FDX1: variants seen among roughly 807,000 people sequenced by gnomAD.
The protein encoded by FDX1 is ferredoxin 1.
In FDX1, 9 loss-of-function variants were observed where a neutral mutation model predicts 14.9. That is an observed-to-expected ratio of 0.60 (90% CI 0.36 to 1.05). FDX1 has a LOEUF of 1.05. Ranked by LOEUF, FDX1 falls within the 50% of genes least tolerant of loss-of-function variation. The pLI, the probability that FDX1 is intolerant of heterozygous loss-of-function variation, is 0.01. For synonymous variants in FDX1, 92 were observed against 99.4 expected (o/e 0.93, Z 0.44); for missense variants, 204 against 237.2 (o/e 0.86, Z 0.92).
chr11:110,441,312 C>T (rs1463790083), intron 2 of FDX1, among the ~76,000 whole-genome samples: 7 of 152,160 alleles, frequency 4.6e-5, no homozygotes, highest in Admixed American at 4.6e-4. Context: ...ACTTTGGAAC[C>T]AGGTAACAGG....
intron 1 of FDX1, among the ~76,000 whole-genome samples, chr11:110,435,247 T>G (rs1040441915): frequency 6.6e-6 from 1 of 151,696 alleles, no homozygotes; most frequent in African/African-American, 2.4e-5. Context: ...GATGGGATCT[T>G]GCCATGTTGC....
At chr11:110,430,352 G>A (rs1946321891) in intron 1 of FDX1, 47 bp downstream of exon 1, 1 of 1,143,852 alleles carries the variant, frequency 8.7e-7, no homozygotes, top group Non-Finnish European at 1.1e-6. Context: ...CGGGGTCCCC[G>A]GTGGGTGGCG....
chr11:110,429,490 G>A (rs1325237162), upstream of FDX1, among the ~76,000 whole-genome samples: 1 of 152,122 alleles, frequency 6.6e-6, no homozygotes, highest in African/African-American at 2.4e-5. Flanking sequence ...GTCTAGGATG[G>A]CTACCTGTCC....
chr11:110,456,306 G>A (rs867895225), intron 2 of FDX1, among the ~76,000 whole-genome samples: 2 of 152,056 alleles, frequency 1.3e-5, no homozygotes, highest in Non-Finnish European at 2.9e-5. Flanking sequence ...ATGTATGCAT[G>A]TCTCAGCTTA....
intron 2 of FDX1, among the ~76,000 whole-genome samples, chr11:110,452,996 GTA>G (rs1220501444): frequency 6.6e-6 from 1 of 152,216 alleles, no homozygotes; most frequent in Admixed American, 6.5e-5. Context: ...AAGCTGCTCT[GTA>G]CCCTCAGTGT....
chr11:110,456,987 T>C lies in FDX1; in HGVS notation c.380T>C (p.Leu127Ser), dbSNP rs752700505. 6.2e-6 allele frequency: 10 copies of C among 1,613,810 alleles called. No homozygotes were observed. The South Asian group carries it at 9.9e-5, about 16-fold the overall frequency. Residue 127 changes from leucine (L) to serine (S), a missense_variant, in exon 3 of 4, where the codon TTA (leucine) becomes TCA (serine). By Grantham distance (145) the Leu-to-Ser change is moderately radical. Transcript: ENST00000260270. ...LIFEDHIYEK[L>S]DAITDEENDM... The stretch of plus-strand genomic sequence containing the variant: ...TTTGAAGATCACATATATGAGAAGT[T>C]AGATGCAATCACTGATGAGGAGAAT...
chr11:110,444,129 C>T (rs548206306), intron 2 of FDX1, among the ~76,000 whole-genome samples: 22 of 152,050 alleles, frequency 1.4e-4, no homozygotes, highest in Non-Finnish European at 2.6e-4. Flanking sequence ...GCCAAAAATC[C>T]TTTGCCAATC....
intron 2 of FDX1, among the ~76,000 whole-genome samples, chr11:110,453,823 C>A (rs1449140840): frequency 2.6e-5 from 4 of 152,100 alleles, no homozygotes; most frequent in Admixed American, 1.3e-4. Context: ...TGGTACAGAT[C>A]GTTTCTGTAG....
In FDX1 at chr11:110,444,748, GTATATATATA is replaced by G. The variant is rs538386755; in HGVS notation, c.310+8800_310+8809del. Reference sequence around the variant, plus strand: ...CGTATATATATATATATATATACACGTATATATATATATATATATTTGCAGAACAACCTCT... The same window carrying G: ...CGTATATATATATATATATATACACGTATATATATTTGCAGAACAACCTCT... On this transcript the variant is annotated intron_variant, in intron 2 of 3. Coordinates refer to ENST00000260270, the MANE Select transcript of FDX1 (RefSeq NM_004109.5). Among the ~76,000 whole-genome samples, 4 of 29,838 alleles carry G rather than the reference GTATATATATA, an allele frequency of 1.3e-4. No homozygotes were observed. The Admixed American group carries it at 1.8e-3, about 14-fold the overall frequency. The allele number at this position is 29,838 out of a possible 152,430, so 19.6% of individuals were successfully genotyped here.
chr11:110,456,878 T>C (rs527237132), intron 2 of FDX1, 40 bp from the exon 3 acceptor site: 3 of 1,580,280 alleles, frequency 1.9e-6, no homozygotes, highest in African/African-American at 1.3e-5. Flanking sequence ...AATCGTCTGA[T>C]GTAGAAGGGA....
At chr11:110,439,896 A>G (rs1201456741) in intron 2 of FDX1, among the ~76,000 whole-genome samples, 1 of 152,148 alleles carries the variant, frequency 6.6e-6, no homozygotes, top group Non-Finnish European at 1.5e-5. Flanking sequence ...TCTGCATATA[A>G]TAGCCATCAA....
intron 2 of FDX1, among the ~76,000 whole-genome samples, chr11:110,436,484 A>G (rs927326816): frequency 1.4e-4 from 22 of 152,060 alleles, no homozygotes; most frequent in African/African-American, 4.8e-4. Context: ...TGTTCAAGCA[A>G]TGCATGTTTA....
chr11:110,432,322 A>T (rs1946337068), intron 1 of FDX1, among the ~76,000 whole-genome samples: 1 of 152,238 alleles, frequency 6.6e-6, no homozygotes, highest in South Asian at 2.1e-4. Flanking sequence ...GAGGGTAGAT[A>T]AATGGGAATA....
chr11:110,438,667 G>T (rs538922824), intron 2 of FDX1, among the ~76,000 whole-genome samples: 1 of 151,888 alleles, frequency 6.6e-6, no homozygotes, highest in Admixed American at 6.6e-5. Context: ...TAGTTTTGCC[G>T]CATTGACCAG....
In FDX1 at chr11:110,456,805, G is replaced by A. The variant is rs959220608; in HGVS notation, c.311-113G>A. The A allele has an allele frequency of 1.0e-5, 12 of 1,150,696 alleles. No homozygotes were observed. The South Asian group carries it at 1.3e-4, about 12-fold the overall frequency. 71.3% of individuals were successfully genotyped at this position (1,150,696 alleles called of 1,614,324 possible). On this transcript the variant is annotated intron_variant, in intron 2 of 3. Transcript: ENST00000260270. ...ATTACAGGTGTGAGCCACTGTGCCC[G>A]GCCTCACTTATGTATTCTAATGCTG...
intron 2 of FDX1, among the ~76,000 whole-genome samples, chr11:110,447,273 C>CAAAA (rs541827807): frequency 3.2e-4 from 24 of 75,740 alleles, no homozygotes; most frequent in Non-Finnish European, 4.6e-4. Flanking sequence ...ACTAAAAATA[C>CAAAA]AAAAAAAAAA....
At chr11:110,435,282 G>A (rs891778162) in intron 1 of FDX1, among the ~76,000 whole-genome samples, 6 of 152,266 alleles carry the variant, frequency 3.9e-5, no homozygotes, top group East Asian at 3.9e-4. Flanking sequence ...AACTTCTGGC[G>A]TCAAACAATC....
intron 2 of FDX1, among the ~76,000 whole-genome samples, chr11:110,444,672 A>ATATATATATACACG (rs1946429478): frequency 2.6e-5 from 2 of 78,136 alleles, no homozygotes; most frequent in Non-Finnish European, 4.7e-5. Flanking sequence ...ATACGTATAT[A>ATATATATATACACG]TATATATATA....
At chr11:110,444,732 A>ATATATATACG (rs1946436961) in intron 2 of FDX1, among the ~76,000 whole-genome samples, 1 of 66,638 alleles carries the variant, frequency 1.5e-5, no homozygotes, top group Non-Finnish European at 2.8e-5. Context: ...ACGTATATAT[A>ATATATATACG]TATATATATA....
Sources: allele counts gnomAD v4.1 joint callset (sites outside exome capture counted in the v4.1 genomes callset), GRCh38; gene constraint gnomAD v4.1.1; transcripts MANE v1.5; gene names NCBI Gene and HGNC (gene_info 2026-07-23, HGNC 2026-07-21).